Variants in ABTB3 observed in about 807,000 individuals in gnomAD.
ABTB3 encodes ankyrin repeat and BTB domain containing 3, also known as ankyrin repeat- and BTB/POZ domain-containing protein 3.
chr12:107,413,777 G>A, the ABTB3 span, among the ~76,000 whole-genome samples: 1 of 152,190 alleles, frequency 6.6e-6, no homozygotes, highest in African/African-American at 2.4e-5. Context: ...AGGCAATGCT[G>A]AGTCCCTCTT....
the ABTB3 span, chr12:107,319,079 T>C: frequency 1.9e-6 from 3 of 1,611,236 alleles, no homozygotes; most frequent in African/African-American, 2.7e-5. Context: ...GGCGTCCCCG[T>C]ATGGCGGGAG....
chr12:107,405,157 A>T, the ABTB3 span, among the ~76,000 whole-genome samples: 1 of 152,192 alleles, frequency 6.6e-6, no homozygotes, highest in African/African-American at 2.4e-5. Context: ...ACCATGGCAT[A>T]CAGTAGGCCA....
the ABTB3 span, among the ~76,000 whole-genome samples, chr12:107,434,495 C>T: frequency 5.3e-5 from 8 of 152,266 alleles, no homozygotes; most frequent in East Asian, 3.9e-4. Flanking sequence ...GATGCTCCAT[C>T]GAAATAGTGA....
chr12:107,390,831 G>A, the ABTB3 span, among the ~76,000 whole-genome samples: 1 of 152,152 alleles, frequency 6.6e-6, no homozygotes, highest in African/African-American at 2.4e-5. Context: ...GGCTTCACAG[G>A]GCTATAAGCA....
chr12:107,520,368 C>A, the ABTB3 span: 2 of 1,470,456 alleles, frequency 1.4e-6, no homozygotes, highest in Non-Finnish European at 1.8e-6. Flanking sequence ...CATTGGCTTT[C>A]TTTGCAGTAC....
the ABTB3 span, among the ~76,000 whole-genome samples, chr12:107,380,734 A>G: frequency 1.1e-4 from 17 of 152,286 alleles, no homozygotes; most frequent in African/African-American, 3.9e-4. Flanking sequence ...CCATTCTGTC[A>G]CAATAGTCTC....
At chr12:107,636,878 G>A in the ABTB3 span, among the ~76,000 whole-genome samples, 10 of 152,186 alleles carry the variant, frequency 6.6e-5, no homozygotes, top group South Asian at 2.1e-4. Context: ...TTGCAAGGTC[G>A]GTTTCAATGG....
At chr12:107,510,598 T>C in the ABTB3 span, among the ~76,000 whole-genome samples, 1 of 152,104 alleles carries the variant, frequency 6.6e-6, no homozygotes, top group Admixed American at 6.6e-5. Flanking sequence ...CAGGGTGTTA[T>C]TTTTTAGTAA....
chr12:107,408,411 C>A, the ABTB3 span, among the ~76,000 whole-genome samples: 1 of 152,264 alleles, frequency 6.6e-6, no homozygotes, highest in African/African-American at 2.4e-5. Context: ...GGTTTAAACA[C>A]CCAGTATGAT....
chr12:107,420,110 T>A, the ABTB3 span, among the ~76,000 whole-genome samples: 1 of 151,936 alleles, frequency 6.6e-6, no homozygotes, highest in Non-Finnish European at 1.5e-5. Context: ...CACATGAGAG[T>A]CAAACCCAAA....
the ABTB3 span, among the ~76,000 whole-genome samples, chr12:107,542,298 C>T: frequency 5.9e-5 from 6 of 101,648 alleles, no homozygotes; most frequent in East Asian, 3.8e-4. Flanking sequence ...GGCAACAGAG[C>T]GAAACTCTGT....
chr12:107,605,186 T>C, the ABTB3 span, among the ~76,000 whole-genome samples: 2 of 152,236 alleles, frequency 1.3e-5, no homozygotes, highest in Admixed American at 1.3e-4. Flanking sequence ...TTTAAAAGAA[T>C]GAATGGTAGA....
the ABTB3 span, among the ~76,000 whole-genome samples, chr12:107,463,782 C>T: frequency 6.6e-6 from 1 of 152,234 alleles, no homozygotes; most frequent in African/African-American, 2.4e-5. Flanking sequence ...CTTCTACCCT[C>T]ATTCTGCAGA....
chr12:107,627,933 G>T, the ABTB3 span, among the ~76,000 whole-genome samples: 65 of 152,324 alleles, frequency 4.3e-4, no homozygotes, highest in Non-Finnish European at 7.9e-4. Flanking sequence ...CACTTGCTGG[G>T]AGTAGAAGGG....
the ABTB3 span, among the ~76,000 whole-genome samples, chr12:107,583,648 C>G: frequency 9.2e-5 from 14 of 152,278 alleles, no homozygotes; most frequent in East Asian, 1.7e-3. Flanking sequence ...ATCTCTGCGC[C>G]CCCCCTCCTC....
At chr12:107,319,341 C>A in the ABTB3 span, 1 of 1,552,196 alleles carries the variant, frequency 6.4e-7, no homozygotes, top group Non-Finnish European at 8.7e-7. Context: ...AAGCTGTCGA[C>A]GCTGGTGAGC....
chr12:107,318,766 A>G, the ABTB3 span: 7 of 691,934 alleles, frequency 1.0e-5, no homozygotes, highest in Non-Finnish European at 1.7e-5. Flanking sequence ...TGTATATTCC[A>G]GCGGCGGCAG....
the ABTB3 span, among the ~76,000 whole-genome samples, chr12:107,634,134 A>T: frequency 6.6e-6 from 1 of 152,170 alleles, no homozygotes; most frequent in Non-Finnish European, 1.5e-5. Flanking sequence ...ACCCACTTTA[A>T]TTGAAGGGTT....
the ABTB3 span, among the ~76,000 whole-genome samples, chr12:107,572,764 G>A: frequency 1.3e-5 from 2 of 152,170 alleles, no homozygotes; most frequent in East Asian, 3.9e-4. Flanking sequence ...TCTCTGGGAT[G>A]GGAAGGGAAA....
Sources: gnomAD v4.1 joint callset for allele counts (sites outside exome capture counted in the v4.1 genomes callset) on GRCh38, gnomAD v4.1.1 for gene constraint, MANE v1.5 for transcripts, NCBI Gene and HGNC (gene_info 2026-07-23, HGNC 2026-07-21) for gene names.